DCC: variants seen among roughly 807,000 people sequenced by gnomAD.
DCC encodes the protein netrin receptor DCC.
Under a neutral mutation model 172.5 loss-of-function variants are expected in DCC, and 58 were observed. The observed-to-expected ratio is 0.34, with a 90% CI of 0.27 to 0.42. The LOEUF (loss-of-function observed/expected upper bound fraction) is 0.42. DCC is among the 10% of genes least tolerant of loss of function. The probability of loss-of-function intolerance (pLI) is 1.00; values close to 1 mark genes in which losing one functional copy is unlikely to be tolerated. For missense variants in DCC, 1,740 were observed against 1,791.0 expected (o/e 0.97, Z 0.51); for synonymous variants, 709 against 644.5 (o/e 1.10, Z -1.52).
At chr18:52,401,012 C>T (rs867074081) in intron 1 of DCC, among the ~76,000 whole-genome samples, 3 of 151,870 alleles carry the variant, frequency 2.0e-5, no homozygotes, top group Middle Eastern at 3.2e-3. Flanking sequence ...TTGATGGGTG[C>T]AACAAACCAC....
chr18:52,691,788 T>C (rs912990339), intron 1 of DCC, among the ~76,000 whole-genome samples: 3 of 152,136 alleles, frequency 2.0e-5, no homozygotes, highest in South Asian at 2.1e-4. Flanking sequence ...CATGCTTTCT[T>C]CCCATGCTTC....
intron 12 of DCC, among the ~76,000 whole-genome samples, chr18:53,226,948 A>ATATATATATATATATAGATTTTTTTTTTT: frequency 1.9e-5 from 1 of 52,950 alleles, no homozygotes; most frequent in Non-Finnish European, 4.0e-5. Context: ...ATATATATAT[A>ATATATATATATATATAGATTTTTTTTTTT]TTTTTTTTTT....
intron 1 of DCC, among the ~76,000 whole-genome samples, chr18:52,344,390 A>G (rs2144226635): frequency 6.6e-6 from 1 of 152,226 alleles, no homozygotes; most frequent in East Asian, 1.9e-4. Flanking sequence ...TTAGAGAGGG[A>G]AGTTGTGATA....
chr18:53,119,305 G>T (rs1052875749), intron 7 of DCC, among the ~76,000 whole-genome samples: 3 of 151,554 alleles, frequency 2.0e-5, no homozygotes, highest in African/African-American at 7.3e-5. Context: ...CTCTTTTCTG[G>T]TATTTATCTC....
intron 1 of DCC, among the ~76,000 whole-genome samples, chr18:52,409,480 A>G (rs72918824): frequency 0.11 from 16,705 of 152,178 alleles, 993 homozygotes; most frequent in Middle Eastern, 0.18. Flanking sequence ...TAATACTTTC[A>G]CATTTATTAT....
At chr18:53,007,405 C>A (rs2041662602) in intron 5 of DCC, among the ~76,000 whole-genome samples, 1 of 151,928 alleles carries the variant, frequency 6.6e-6, no homozygotes, top group Non-Finnish European at 1.5e-5. Flanking sequence ...CATTACTTGA[C>A]AAAAATAGAC....
At chr18:52,853,448 A>G (rs1411429831) in intron 2 of DCC, among the ~76,000 whole-genome samples, 2 of 152,230 alleles carry the variant, frequency 1.3e-5, no homozygotes, top group Non-Finnish European at 2.9e-5. Context: ...AAATTTCACA[A>G]CCATTTTATG....
chr18:52,575,442 T>C (rs2033386156), intron 1 of DCC, among the ~76,000 whole-genome samples: 1 of 152,152 alleles, frequency 6.6e-6, no homozygotes, highest in Non-Finnish European at 1.5e-5. Context: ...GTCAGGAAGG[T>C]TCTGGAAATA....
rs141510130 is a variant in DCC at position 52,504,259 on chromosome 18, T to C, written c.91+163381T>C. ...CAATAAAAGCCAAGACTTTGACAGATGTATTCTCTGGTTCTACTTTTAGCA... is the reference window on the plus strand; with the variant it reads ...CAATAAAAGCCAAGACTTTGACAGACGTATTCTCTGGTTCTACTTTTAGCA... On this transcript the variant is annotated intron_variant, in intron 1 of 28. Coordinates refer to ENST00000442544, the MANE Select transcript of DCC (RefSeq NM_005215.4). 1.8e-3 allele frequency among the ~76,000 whole-genome samples: 273 copies of C among 152,278 alleles called. 2 individuals carry two copies. The highest frequency in any genetic ancestry group is 3.4e-3 in the Middle Eastern group (1 of 294).
intron 1 of DCC, among the ~76,000 whole-genome samples, chr18:52,423,604 C>A (rs17748116): frequency 0.35 from 52,370 of 151,774 alleles, 9,568 homozygotes; most frequent in Non-Finnish European, 0.41. Context: ...AATGAGAGAG[C>A]AAATTCTAGT....
intron 7 of DCC, among the ~76,000 whole-genome samples, chr18:53,114,164 CCAAA>C (rs1374340259): frequency 3.3e-5 from 5 of 151,452 alleles, no homozygotes; most frequent in Non-Finnish European, 7.4e-5. Context: ...TGACATCCTA[CCAAA>C]CAGTCATTTA....
At chr18:52,690,053 T>C (rs2035907332) in intron 1 of DCC, among the ~76,000 whole-genome samples, 1 of 152,112 alleles carries the variant, frequency 6.6e-6, no homozygotes, top group Non-Finnish European at 1.5e-5. Flanking sequence ...ATCCACAAGC[T>C]CAGTCAAGCC....
chr18:52,686,954 T>C (rs1306341007), intron 1 of DCC, among the ~76,000 whole-genome samples: 2 of 152,174 alleles, frequency 1.3e-5, no homozygotes, highest in Middle Eastern at 3.4e-3. Flanking sequence ...ACACAGATCA[T>C]CTTTTCCCAC....
intron 2 of DCC, among the ~76,000 whole-genome samples, chr18:52,834,427 C>T (rs2038667618): frequency 6.6e-6 from 1 of 152,186 alleles, no homozygotes; most frequent in African/African-American, 2.4e-5. Context: ...GGATGGGACT[C>T]AGCAATCTGC....
chr18:52,766,239 C>G (rs1474743804), intron 2 of DCC, among the ~76,000 whole-genome samples: 2 of 152,224 alleles, frequency 1.3e-5, no homozygotes, highest in Non-Finnish European at 2.9e-5. Context: ...GGAGCAAACT[C>G]TATGCAGGCC....
chr18:53,530,522 T>C (rs1424015230), intron 28 of DCC, 42 bp from the exon 29 acceptor site: 1 of 1,079,492 alleles, frequency 9.3e-7, no homozygotes, highest in Non-Finnish European at 1.4e-6. Context: ...AAGAAATGGA[T>C]CAATATTTGT....
chr18:52,528,803 G>T (rs866146198), intron 1 of DCC, among the ~76,000 whole-genome samples: 85 of 152,156 alleles, frequency 5.6e-4, no homozygotes, highest in African/African-American at 1.9e-3. Flanking sequence ...TAAGTCTACA[G>T]ATGCTCAACT....
chr18:53,251,174 T>C (rs2056426906), intron 12 of DCC, among the ~76,000 whole-genome samples: 2 of 151,930 alleles, frequency 1.3e-5, no homozygotes, highest in Non-Finnish European at 1.5e-5. Flanking sequence ...CCCTGCTTTC[T>C]GACAGATGTT....
chr18:52,862,590 T>G (rs1431863885), intron 2 of DCC, among the ~76,000 whole-genome samples: 3 of 151,960 alleles, frequency 2.0e-5, no homozygotes, highest in Non-Finnish European at 4.4e-5. Context: ...TCCAGCTACT[T>G]GGGAGGTTGA....
Sources: allele counts gnomAD v4.1 joint callset (sites outside exome capture counted in the v4.1 genomes callset), GRCh38; gene constraint gnomAD v4.1.1; transcripts MANE v1.5; gene names NCBI Gene and HGNC (gene_info 2026-07-23, HGNC 2026-07-21).